The following TIMD4 variants were observed in gnomAD, a reference collection of about 807,000 sequenced individuals.
TIMD4 encodes T-cell immunoglobulin and mucin domain-containing protein 4.
A neutral mutation model predicts 41.2 loss-of-function variants in TIMD4; 31 were observed. The observed-to-expected ratio is 0.75, with a 90% confidence interval of 0.57 to 1.01. The LOEUF (loss-of-function observed/expected upper bound fraction) is 1.01. Among genes scored for constraint, TIMD4 ranks in the 50% least tolerant of loss-of-function variants. TIMD4 has a pLI of 0.00. For missense variants in TIMD4, 479 were observed against 472.5 expected (o/e 1.01, Z -0.13); for synonymous variants, 204 against 177.1 (o/e 1.15, Z -1.21).
intron 5 of TIMD4, among the ~76,000 whole-genome samples, chr5:156,945,799 C>T (rs1464950657): frequency 6.6e-6 from 1 of 152,148 alleles, no homozygotes; most frequent in Non-Finnish European, 1.5e-5. Context: ...CAGAGCTAGA[C>T]ATCCCAGACC....
intron 7 of TIMD4, 67 bp from the exon 8 acceptor site, chr5:156,920,570 G>A: frequency 6.5e-7 from 1 of 1,533,150 alleles, no homozygotes; most frequent in Non-Finnish European, 9.0e-7. Context: ...AATGCTGGGG[G>A]AATTCCAGTG....
intron 5 of TIMD4, among the ~76,000 whole-genome samples, chr5:156,929,040 T>TTTC (rs201941722): frequency 3.9e-5 from 6 of 152,134 alleles, no homozygotes; most frequent in Admixed American, 3.3e-4. Context: ...CACTTTTTTC[T>TTTC]TTCTTCTTCT....
Position 156,926,302 on chromosome 5 carries a change from T to A in TIMD4, c.855A>T (p.Thr285=), listed in dbSNP as rs201896160. 103 of 1,613,722 alleles carry A rather than the reference T, an allele frequency of 6.4e-5. No homozygotes were observed. In the South Asian group the frequency reaches 9.7e-4, roughly 15 times the overall value. Residue 285 remains threonine, a synonymous_variant, in exon 6 of 9, where the codon ACA becomes ACT. Coordinates refer to ENST00000274532, the MANE Select transcript of TIMD4 (RefSeq NM_138379.3). The part of the protein sequence containing the change: ...VSSPQPGASD[T]AVPEQNKTTK... Reference sequence around the variant, plus strand: ...TTGTTTTGTTCTGCTCAGGAACTGCTGTATCAGATGCTGGGAAGGAAAAGA... The same window carrying A: ...TTGTTTTGTTCTGCTCAGGAACTGCAGTATCAGATGCTGGGAAGGAAAAGA...
At chr5:156,960,341 C>G (rs1286167781) in intron 1 of TIMD4, among the ~76,000 whole-genome samples, 2 of 151,616 alleles carry the variant, frequency 1.3e-5, no homozygotes, top group East Asian at 3.9e-4. Context: ...CATACCAAAC[C>G]CAAAATATAA....
intron 5 of TIMD4, among the ~76,000 whole-genome samples, chr5:156,934,075 C>T (rs1037366962): frequency 1.3e-5 from 2 of 152,168 alleles, no homozygotes; most frequent in African/African-American, 4.8e-5. Flanking sequence ...TCTGAAATGG[C>T]ATTACAATTT....
intron 3 of TIMD4, among the ~76,000 whole-genome samples, chr5:156,951,102 C>T (rs1446770411): frequency 6.6e-6 from 1 of 151,680 alleles, no homozygotes; most frequent in East Asian, 2.0e-4. Context: ...CCCTCAGTAC[C>T]TTGGATGCAA....
intron 8 of TIMD4, 110 bp from the exon 9 acceptor site, chr5:156,919,651 C>T: frequency 1.2e-6 from 1 of 806,146 alleles, no homozygotes; most frequent in African/African-American, 1.7e-5. Context: ...AAAGGGCTCA[C>T]AGTTCATTTA....
chr5:156,934,980 G>A (rs941235726), intron 5 of TIMD4, among the ~76,000 whole-genome samples: 4 of 152,216 alleles, frequency 2.6e-5, no homozygotes, highest in East Asian at 3.9e-4. Context: ...CAACTTCAAC[G>A]CAATCCTAGA....
chr5:156,949,481 G>A (rs897298426), intron 4 of TIMD4, among the ~76,000 whole-genome samples, 170 bp downstream of exon 4: 3 of 151,720 alleles, frequency 2.0e-5, no homozygotes, highest in African/African-American at 4.8e-5. Flanking sequence ...TCAGCCACAA[G>A]AAGGAACAAA....
chr5:156,931,656 T>G (rs1759446127), intron 5 of TIMD4, among the ~76,000 whole-genome samples: 1 of 152,196 alleles, frequency 6.6e-6, no homozygotes. Context: ...CTTTCTAGCT[T>G]GTATTTTGGT....
intron 5 of TIMD4, among the ~76,000 whole-genome samples, chr5:156,933,639 C>T (rs1258554442): frequency 6.6e-6 from 1 of 152,026 alleles, no homozygotes; most frequent in Non-Finnish European, 1.5e-5. Flanking sequence ...GCGATCTTGG[C>T]TCACTGCAAC....
chr5:156,935,053 G>A (rs1171876651), intron 5 of TIMD4, among the ~76,000 whole-genome samples: 1 of 152,182 alleles, frequency 6.6e-6, no homozygotes, highest in Non-Finnish European at 1.5e-5. Context: ...GGGTAGCCTC[G>A]GGCTTACGCT....
intron 5 of TIMD4, among the ~76,000 whole-genome samples, chr5:156,933,782 G>A (rs1464413165): frequency 6.6e-6 from 1 of 152,076 alleles, no homozygotes; most frequent in Non-Finnish European, 1.5e-5. Flanking sequence ...TCAAACTCCT[G>A]ACCTTGAGGA....
intron 5 of TIMD4, among the ~76,000 whole-genome samples, chr5:156,945,547 C>T (rs997060353): frequency 1.3e-5 from 2 of 151,950 alleles, no homozygotes; most frequent in South Asian, 2.1e-4. Flanking sequence ...TAGGTAAATC[C>T]TCGGTGGATG....
At chr5:156,940,841 C>T (rs890636113) in intron 5 of TIMD4, among the ~76,000 whole-genome samples, 1 of 152,214 alleles carries the variant, frequency 6.6e-6, no homozygotes, top group Admixed American at 6.5e-5. Flanking sequence ...TGAGAAGGGG[C>T]CATGATGACG....
Position 156,948,439 on chromosome 5 carries a change from G to A in TIMD4, c.821C>T (p.Ser274Phe). Reference protein sequence around the residue: ...SHVSMWKTSDSVSSPQPGASD... With the variant: ...SHVSMWKTSDFVSSPQPGASD... The stretch of plus-strand genomic sequence containing the variant: ...ACCTCCAGGCTGAGGAGAAGACACA[G>A]AATCACTCGTTTTCCACATTGACAC... The change falls in exon 5 of 9, where the codon TCT becomes TTT. Residue 274 changes from serine to phenylalanine, a missense_variant. Physicochemically the swap from Ser to Phe is radical, Grantham distance 155 (BLOSUM62 -2). Coordinates refer to ENST00000274532, the MANE Select transcript of TIMD4 (RefSeq NM_138379.3). 6.5e-7 allele frequency: 1 copy of A among 1,545,574 alleles called. No individual in the cohort carries two copies.
chr5:156,952,528 C>T (rs867610063), intron 2 of TIMD4, among the ~76,000 whole-genome samples: 15 of 152,106 alleles, frequency 9.9e-5, no homozygotes, highest in African/African-American at 3.4e-4. Flanking sequence ...GCAACCTTCC[C>T]GCTGCACGAA....
At chr5:156,941,920 G>A (rs1759658128) in intron 5 of TIMD4, among the ~76,000 whole-genome samples, 1 of 152,194 alleles carries the variant, frequency 6.6e-6, no homozygotes, top group Non-Finnish European at 1.5e-5. Flanking sequence ...GGAAAGGCCA[G>A]CTTGTTTTGG....
intron 2 of TIMD4, among the ~76,000 whole-genome samples, chr5:156,952,014 G>T (rs879478808): frequency 2.0e-5 from 3 of 152,050 alleles, no homozygotes; most frequent in Non-Finnish European, 4.4e-5. Flanking sequence ...TGTTGGCCAG[G>T]TGCAGTGGTT....
Sources: allele counts gnomAD v4.1 joint callset (sites outside exome capture counted in the v4.1 genomes callset), GRCh38; gene constraint gnomAD v4.1.1; transcripts MANE v1.5; gene names NCBI Gene and HGNC (gene_info 2026-07-23, HGNC 2026-07-21).